PCDH11X: variants seen among roughly 807,000 people sequenced by gnomAD.
PCDH11X encodes the protein protocadherin 11 X-linked.
A neutral mutation model predicts 53.3 loss-of-function variants in PCDH11X; 18 were observed. The observed-to-expected ratio is 0.34, with a 90% CI of 0.23 to 0.50. The LOEUF (loss-of-function observed/expected upper bound fraction) is 0.50, where lower values mean the gene tolerates loss of function less well. Ranked by LOEUF, PCDH11X falls within the 20% of genes least tolerant of loss-of-function variation. PCDH11X has a pLI of 0.98. For synonymous variants in PCDH11X, 279 were observed against 393.3 expected (o/e 0.71, Z 3.44); for missense variants, 570 against 1,032.4 (o/e 0.55, Z 6.14).
chrX:92,514,995 T>G (rs1249288532), intron 10 of PCDH11X, among the ~76,000 whole-genome samples: 3 of 86,044 alleles, frequency 3.5e-5, no homozygotes, highest in Non-Finnish European at 6.4e-5. Flanking sequence ...TGCAGTGAGC[T>G]GAGATCCCGC....
At position 91,820,826 on chromosome X, in the gene PCDH11X, A is replaced by G. The variant is rs756993104; in HGVS notation, c.-45+9531A>G. 8.4e-4 allele frequency among the ~76,000 whole-genome samples: 85 copies of G among 101,447 alleles called. 15 individuals are homozygous for G. The highest frequency in any genetic ancestry group is 3.9e-3 in the African/African-American group (84 of 21,817). The allele number at this position is 101,447 out of a possible 115,157, so 88.1% of individuals were successfully genotyped here. A position where few individuals can be genotyped will look rare whatever the true frequency, so the allele number is the denominator to read the frequency against. On this transcript the variant is annotated intron_variant, in intron 4 of 10. Transcript: ENST00000682573. Reference sequence around the variant, plus strand: ...TTTAGGTCTAACGTTTAAGTCTTTAATCCATCTTGAATTGATTTTTATATA... The same window carrying G: ...TTTAGGTCTAACGTTTAAGTCTTTAGTCCATCTTGAATTGATTTTTATATA...
rs374514452 is a variant in PCDH11X at position 92,603,927 on chromosome X, T to C, written c.3368-14337T>C. ...TCTTAATGAATTTGAAAAACCCTTG[T>C]ATAAGACAAGACAAGACATATGCAT... On this transcript the variant is annotated intron_variant, in intron 10 of 10. Transcript: ENST00000682573. Among the ~76,000 whole-genome samples, 46 of 107,064 alleles carry C rather than the reference T, an allele frequency of 4.3e-4. No individual in the cohort carries two copies. The East Asian group carries it at 0.01, about 24-fold the overall frequency. The allele number at this position is 107,064 out of a possible 115,157, so 93.0% of individuals were successfully genotyped here. A position where few individuals can be genotyped will look rare whatever the true frequency, so the allele number is the denominator to read the frequency against.
At chrX:92,071,009 G>T (rs1322818497) in intron 6 of PCDH11X, among the ~76,000 whole-genome samples, 2 of 108,508 alleles carry the variant, frequency 1.8e-5, no homozygotes, top group Non-Finnish European at 3.8e-5. Context: ...GTTTCACCAT[G>T]TTGGCCAGAG....
intron 8 of PCDH11X, among the ~76,000 whole-genome samples, chrX:92,263,917 A>G (rs1404752016): frequency 8.9e-6 from 1 of 112,150 alleles, no homozygotes; most frequent in Non-Finnish European, 1.9e-5. Context: ...GTTTCTTATT[A>G]TGTTTTGAGG....
At chrX:91,843,411 T>C (rs1208816296) in intron 5 of PCDH11X, among the ~76,000 whole-genome samples, 8 of 104,249 alleles carry the variant, frequency 7.7e-5, no homozygotes, top group Admixed American at 6.2e-4. Flanking sequence ...CTGAGTTCAA[T>C]TGATTCTCCT....
chrX:92,341,660 C>G (rs963252896), intron 8 of PCDH11X, among the ~76,000 whole-genome samples: 2 of 111,127 alleles, frequency 1.8e-5, no homozygotes, highest in African/African-American at 6.6e-5. Context: ...AAGCCACACA[C>G]TATTGCAAGG....
At chrX:92,131,782 C>A (rs1280804686) in intron 6 of PCDH11X, among the ~76,000 whole-genome samples, 2 of 110,189 alleles carry the variant, frequency 1.8e-5, no homozygotes, top group African/African-American at 6.6e-5. Context: ...CCTGCTAAAT[C>A]ACGGAGGTTT....
intron 9 of PCDH11X, among the ~76,000 whole-genome samples, chrX:92,432,335 T>G (rs1360323191): frequency 9.0e-6 from 1 of 110,589 alleles, no homozygotes; most frequent in Non-Finnish European, 1.9e-5. Context: ...AATTAGGTTA[T>G]GCACATCTAA....
At chrX:92,558,991 A>G (rs1317441307) in intron 10 of PCDH11X, among the ~76,000 whole-genome samples, 1 of 110,793 alleles carries the variant, frequency 9.0e-6, no homozygotes, top group Non-Finnish European at 1.9e-5. Context: ...CTATGGGAAC[A>G]CTTTTTACAT....
At chrX:91,945,314 G>A (rs967923908) in intron 6 of PCDH11X, among the ~76,000 whole-genome samples, 10 of 104,935 alleles carry the variant, frequency 9.5e-5, no homozygotes, top group East Asian at 3.1e-4. Context: ...CTAGAGTGCC[G>A]TGTTAATTCC....
At chrX:92,022,301 G>A (rs1211515292) in intron 6 of PCDH11X, among the ~76,000 whole-genome samples, 1 of 108,820 alleles carries the variant, frequency 9.2e-6, no homozygotes, top group Non-Finnish European at 1.9e-5. Flanking sequence ...ACACACATAG[G>A]CTCAAAATAA....
rs1939763785 is a variant in PCDH11X, at chrX:91,879,002, G to C, written c.2762G>C (p.Trp921Ser). 1 of 1,209,354 alleles carries C rather than the reference G, an allele frequency of 8.3e-7. No homozygotes were observed. Among genetic ancestry groups the C allele is most frequent in the African/African-American group, 1.8e-5 (1 of 56,985 alleles). Residue 921 changes from tryptophan (W) to serine (S), a missense_variant, in exon 6 of 11, where the codon TGG (tryptophan) becomes TCG (serine). Physicochemically the swap from Trp to Ser is radical, Grantham distance 177. This residue lies in a region of PCDH11X where 226 missense variants were observed against 457.5 expected (regional missense o/e 0.49). Coordinates refer to ENST00000682573, the MANE Select transcript of PCDH11X (RefSeq NM_032968.5). ...GAGCAAACAATGGGAAAGTACAATT[G>C]GGTAACTACACCTACTACTTTCAAG... is the stretch of plus-strand genomic sequence containing the variant. ...LEEQTMGKYN[W>S]VTTPTTFKPD...
intron 5 of PCDH11X, among the ~76,000 whole-genome samples, chrX:91,872,191 A>T (rs956696266): frequency 3.8e-4 from 42 of 109,464 alleles, no homozygotes; most frequent in Non-Finnish European, 6.9e-4. Flanking sequence ...TCTGAAAATC[A>T]AGTTTTACAA....
chrX:92,183,640 G>C (rs755664554), intron 6 of PCDH11X, among the ~76,000 whole-genome samples: 1 of 112,026 alleles, frequency 8.9e-6, no homozygotes, highest in South Asian at 3.7e-4. Flanking sequence ...TATTTATAAT[G>C]GTCTAAAAAA....
chrX:92,206,708 G>A (rs1353265976), intron 7 of PCDH11X, among the ~76,000 whole-genome samples: 1 of 109,906 alleles, frequency 9.1e-6, no homozygotes, highest in African/African-American at 3.3e-5. Flanking sequence ...TGTATTTATA[G>A]TAGAGACAGT....
intron 8 of PCDH11X, among the ~76,000 whole-genome samples, chrX:92,371,487 T>C (rs1193880744): frequency 9.4e-6 from 1 of 106,056 alleles, no homozygotes; most frequent in Non-Finnish European, 1.9e-5. Flanking sequence ...ATTAAAACAT[T>C]ATACTCCTCA....
intron 6 of PCDH11X, among the ~76,000 whole-genome samples, chrX:92,187,685 T>A (rs183774067): frequency 2.7e-4 from 30 of 112,080 alleles, no homozygotes; most frequent in Non-Finnish European, 4.3e-4. Flanking sequence ...GGTTTTCGTT[T>A]AACAAAGAAA....
At chrX:92,250,153 C>T (rs1357609873) in intron 7 of PCDH11X, among the ~76,000 whole-genome samples, 4 of 111,609 alleles carry the variant, frequency 3.6e-5, no homozygotes, top group African/African-American at 1.3e-4. Flanking sequence ...ACAAATGTCA[C>T]TTCATATAGT....
intron 10 of PCDH11X, among the ~76,000 whole-genome samples, chrX:92,611,341 G>A: frequency 9.3e-6 from 1 of 106,959 alleles, no homozygotes. Context: ...TTTATTCCTA[G>A]CTTTTTTTTT....
Sources: allele counts gnomAD v4.1 joint callset (sites outside exome capture counted in the v4.1 genomes callset), GRCh38; gene constraint gnomAD v4.1.1; regional missense constraint gnomAD v4.1.1; transcripts MANE v1.5; gene names NCBI Gene and HGNC (gene_info 2026-07-23, HGNC 2026-07-21).